Variants in ZNF804B observed in about 807,000 individuals in gnomAD.
ZNF804B encodes the protein zinc finger 804B.
ZNF804B carries 80 observed loss-of-function variants against 101.4 expected under a neutral mutation model. The observed-to-expected ratio is 0.79, with a 90% CI of 0.66 to 0.95. The LOEUF is 0.95. Ranked by LOEUF, ZNF804B falls within the 40% of genes least tolerant of loss-of-function variation. ZNF804B has a pLI of 0.00. For synonymous variants in ZNF804B, 622 were observed against 558.8 expected, an observed-to-expected ratio of 1.11 and a Z score of -1.59; for missense variants, 1,673 against 1,561.9, an observed-to-expected ratio of 1.07 and a Z score of -1.20.
At chr7:88,986,552 C>T (rs1793762156) in intron 1 of ZNF804B, among the ~76,000 whole-genome samples, 1 of 152,104 alleles carries the variant, frequency 6.6e-6, no homozygotes, top group African/African-American at 2.4e-5. Context: ...AATCCTAGTG[C>T]ACTGAGAAAT....
At chr7:89,088,557 C>T (rs982893728) in intron 1 of ZNF804B, among the ~76,000 whole-genome samples, 1 of 150,242 alleles carries the variant, frequency 6.7e-6, no homozygotes, top group African/African-American at 2.5e-5. Flanking sequence ...GTTTATTCAT[C>T]GCCCTAGGTC....
At chr7:89,305,792 T>C (rs904401235) in intron 2 of ZNF804B, among the ~76,000 whole-genome samples, 2 of 152,020 alleles carry the variant, frequency 1.3e-5, no homozygotes, top group Admixed American at 6.6e-5. Flanking sequence ...TATTTTTTGA[T>C]ACACATATTT....
At chr7:88,763,452 G>A (rs913763829) in intron 1 of ZNF804B, among the ~76,000 whole-genome samples, 1 of 151,834 alleles carries the variant, frequency 6.6e-6, no homozygotes, top group African/African-American at 2.4e-5. Context: ...TCTTTTTAGA[G>A]ACTGTGTGTG....
chr7:88,817,897 G>T (rs1790911592), intron 1 of ZNF804B, among the ~76,000 whole-genome samples: 1 of 152,092 alleles, frequency 6.6e-6, no homozygotes, highest in Non-Finnish European at 1.5e-5. Flanking sequence ...CTAGGATATT[G>T]TCCTCCTCTT....
chr7:89,207,349 A>G (rs1234975922), intron 1 of ZNF804B, among the ~76,000 whole-genome samples: 1 of 152,192 alleles, frequency 6.6e-6, no homozygotes, highest in African/African-American at 2.4e-5. Context: ...ATGAGGAGCA[A>G]GGTCACATCT....
At chr7:89,168,307 G>A (rs1791173170) in intron 1 of ZNF804B, among the ~76,000 whole-genome samples, 1 of 138,380 alleles carries the variant, frequency 7.2e-6, no homozygotes, top group African/African-American at 2.6e-5. Context: ...GCATATGTGT[G>A]TGTACTGTGT....
chr7:88,976,814 T>C (rs1265429146), intron 1 of ZNF804B, among the ~76,000 whole-genome samples: 1 of 151,560 alleles, frequency 6.6e-6, no homozygotes, highest in Non-Finnish European at 1.5e-5. Flanking sequence ...TCAGGTTTCA[T>C]ATATTAGAGG....
intron 1 of ZNF804B, among the ~76,000 whole-genome samples, chr7:89,001,645 A>G (rs1788290341): frequency 6.6e-6 from 1 of 151,988 alleles, no homozygotes; most frequent in African/African-American, 2.4e-5. Context: ...AAATATGAAG[A>G]TGAGGCTTTG....
At chr7:88,810,861 A>G (rs1291508395) in intron 1 of ZNF804B, among the ~76,000 whole-genome samples, 1 of 152,130 alleles carries the variant, frequency 6.6e-6, no homozygotes, top group African/African-American at 2.4e-5. Context: ...TAGCTAATTC[A>G]TTTTACAATT....
At chr7:89,219,448 C>T (rs1436244931) in intron 2 of ZNF804B, among the ~76,000 whole-genome samples, 1 of 151,672 alleles carries the variant, frequency 6.6e-6, no homozygotes, top group Non-Finnish European at 1.5e-5. Context: ...CAGGTGAAAA[C>T]ATTTCAGTTT....
chr7:88,922,626 T>TATATATAC (rs57940902), intron 1 of ZNF804B, among the ~76,000 whole-genome samples: 2 of 84,006 alleles, frequency 2.4e-5, no homozygotes, highest in African/African-American at 8.5e-5. Context: ...TATATATATA[T>TATATATAC]ACACACACAC....
chr7:89,335,688 C>T lies in ZNF804B; in HGVS notation c.2706C>T (p.Asn902=), dbSNP rs374858424. ...GGAATATCAGCTGCCTTCTAAAGAA[C>T]TGTTCCAGTGGCCCTTCAGAAACCA... The part of the protein sequence containing the change: ...NSGNISCLLK[N]CSSGPSETTE... The change falls in exon 4 of 4, where the codon AAC becomes AAT. Residue 902 remains asparagine, a synonymous_variant. Coordinates refer to ENST00000333190, the MANE Select transcript of ZNF804B (RefSeq NM_181646.5). The T allele has an allele frequency of 7.4e-6, 12 of 1,613,968 alleles. No homozygotes were observed. The African/African-American group carries it at 1.1e-4, about 14-fold the overall frequency.
At position 89,334,859 on chromosome 7, in the gene ZNF804B, C is replaced by A. The variant is rs753009841; in HGVS notation, c.1877C>A (p.Ser626Tyr). 1.9e-6 allele frequency: 3 copies of A among 1,613,790 alleles called. No individual in the cohort carries two copies. Among genetic ancestry groups the A allele is most frequent in the Admixed American group, 1.7e-5 (1 of 59,914 alleles). ...AVLNDIDEDL[S>Y]FPSYISRFKK... ...CTAAATGATATAGATGAGGACCTAT[C>A]TTTTCCTTCCTACATCTCTAGGTTT... Residue 626 changes from serine to tyrosine, a missense_variant, in exon 4 of 4, where the codon TCT becomes TAT. By Grantham distance (144) the Ser-to-Tyr change is moderately radical (BLOSUM62 -2). Transcript: ENST00000333190.
intron 2 of ZNF804B, among the ~76,000 whole-genome samples, chr7:89,283,313 A>G (rs1330420372): frequency 6.6e-6 from 1 of 152,232 alleles, no homozygotes; most frequent in Non-Finnish European, 1.5e-5. Context: ...AAGAGATGAA[A>G]GTTTTGTAAA....
chr7:89,167,541 GCAAC>G (rs751817386), intron 1 of ZNF804B, among the ~76,000 whole-genome samples: 2 of 152,090 alleles, frequency 1.3e-5, no homozygotes, highest in African/African-American at 2.4e-5. Flanking sequence ...TTTGAACAAA[GCAAC>G]CAATTCTTGA....
At chr7:89,189,333 TGAA>T (rs2115608511) in intron 1 of ZNF804B, among the ~76,000 whole-genome samples, 1 of 152,202 alleles carries the variant, frequency 6.6e-6, no homozygotes, top group African/African-American at 2.4e-5. Context: ...AGAGCTCTGA[TGAA>T]GATGTATAAG....
rs770708018 is a variant in ZNF804B at position 89,336,058 on chromosome 7, CT to C, written c.3079del (p.Ser1027LeufsTer4). The C allele has an allele frequency of 1.2e-5, 19 of 1,613,922 alleles. No homozygotes were observed. The African/African-American group carries it at 1.7e-4, about 15-fold the overall frequency. On this transcript the variant is annotated frameshift_variant, in exon 4 of 4. Coordinates refer to ENST00000333190, the MANE Select transcript of ZNF804B (RefSeq NM_181646.5). LOFTEE classifies it high-confidence loss of function. ...AGCAGACACTGATTGTGATAACCAT[CT>C]TTCTAAAGGTATAATTCACCTAGTA... is the stretch of plus-strand genomic sequence containing the variant. ...ILADTDCDNHLSKGIIHLVTE... is the reference protein window; with the variant it reads ...ILADTDCDNHXSKGIIHLVTE...
intron 1 of ZNF804B, among the ~76,000 whole-genome samples, chr7:88,926,432 C>CAA (rs34926325): frequency 0.39 from 52,132 of 134,710 alleles, 10,551 homozygotes; most frequent in East Asian, 0.58. Flanking sequence ...ATTAAAAATA[C>CAA]AAAAAAAAAA....
intron 1 of ZNF804B, among the ~76,000 whole-genome samples, chr7:88,790,213 G>T (rs1391197962): frequency 6.6e-6 from 1 of 152,056 alleles, no homozygotes; most frequent in African/African-American, 2.4e-5. Context: ...TGTGGGTTAA[G>T]TTATGTACTC....
Sources: gnomAD v4.1 joint callset for allele counts (sites outside exome capture counted in the v4.1 genomes callset) on GRCh38, gnomAD v4.1.1 for gene constraint, MANE v1.5 for transcripts, NCBI Gene and HGNC (gene_info 2026-07-23, HGNC 2026-07-21) for gene names.